Variants in PCDHGA6 observed in about 807,000 individuals in gnomAD.
The protein encoded by PCDHGA6 is protocadherin gamma subfamily A, 6.
In PCDHGA6, 41 loss-of-function variants were observed where a neutral mutation model predicts 60.6. That is an observed-to-expected ratio of 0.68 (90% CI 0.53 to 0.88). The LOEUF (loss-of-function observed/expected upper bound fraction) is 0.88. Ranked by LOEUF, PCDHGA6 falls within the 40% of genes least tolerant of loss-of-function variation. The probability of loss-of-function intolerance (pLI) is 0.00; values close to 1 mark genes in which losing one functional copy is unlikely to be tolerated. For missense variants in PCDHGA6, 1,312 were observed against 1,203.0 expected, an observed-to-expected ratio of 1.09 and a Z score of -1.34; for synonymous variants, 594 against 524.4, an observed-to-expected ratio of 1.13 and a Z score of -1.81.
At chr5:141,497,464 TGGA>T (rs769464389) in intron 2 of PCDHGA6, among the ~76,000 whole-genome samples, 3 of 151,764 alleles carry the variant, frequency 2.0e-5, no homozygotes, top group Non-Finnish European at 4.4e-5. Context: ...CTTGGAGATA[TGGA>T]GGAGAAGGTG....
At chr5:141,378,906 G>A (rs561615275) in intron 1 of PCDHGA6, 2 of 152,278 alleles carry the variant, frequency 1.3e-5, no homozygotes, top group African/African-American at 2.4e-5. Context: ...TTCTGTTATC[G>A]ACAGTCTTCA....
At chr5:141,452,954 T>A (rs1315313825) in intron 1 of PCDHGA6, among the ~76,000 whole-genome samples, 5 of 152,220 alleles carry the variant, frequency 3.3e-5, no homozygotes, top group Non-Finnish European at 1.5e-5. Context: ...ATTGGTTGTC[T>A]TTAAACTGAG....
At position 141,431,641 on chromosome 5, in the gene PCDHGA6, A is replaced by G. The variant is rs772686680; in HGVS notation, c.2424+55134A>G. ...ACAAGGCGGCCCAAGTTTTCAAACT[A>G]GATTGTAATTCAGGGACAATATCAA... is the stretch of plus-strand genomic sequence containing the variant. On this transcript the variant is annotated intron_variant, in intron 1 of 3. Coordinates refer to ENST00000517434, the MANE Select transcript of PCDHGA6 (RefSeq NM_018919.3). This position sits in a 1 kb window ranked among gnomAD's most constrained non-coding sequence, Gnocchi z 4.8. The G allele has an allele frequency of 6.2e-7, 1 of 1,614,270 alleles. No individual in the cohort carries two copies. Among genetic ancestry groups the G allele is most frequent in the South Asian group, 1.1e-5 (1 of 91,092 alleles).
At chr5:141,404,043 C>T (rs781644500) in intron 1 of PCDHGA6, 1 of 1,613,844 alleles carries the variant, frequency 6.2e-7, no homozygotes, top group East Asian at 2.2e-5. Context: ...CCTCAGGGAA[C>T]AGTAATTCTT....
chr5:141,398,040 C>T (rs569692941), intron 1 of PCDHGA6: 5 of 1,485,976 alleles, frequency 3.4e-6, no homozygotes, highest in East Asian at 4.8e-5. Context: ...AACTAAAGCC[C>T]GTTCGGAGAT....
At position 141,444,986 on chromosome 5, in the gene PCDHGA6, T is replaced by C. The variant is rs990862582; in HGVS notation, c.2425-49821T>C. On this transcript the variant is annotated intron_variant, in intron 1 of 3. Transcript: ENST00000517434. ...TGACACTTCAAATCCATGAACATGG[T>C]ATATATTTCCATTTAATTAGGTCTT... Among the ~76,000 whole-genome samples, 4 of 152,206 alleles carry C rather than the reference T, an allele frequency of 2.6e-5. No individual in the cohort carries two copies. The East Asian group carries it at 7.7e-4, about 29-fold the overall frequency.
rs2099883574 is a variant in PCDHGA6, at chr5:141,511,027, C to T, written c.2653C>T (p.Leu885=). The change falls in exon 4 of 4, where the codon CTG becomes TTG. Residue 885 remains leucine (L), a synonymous_variant. Transcript: ENST00000517434. ...CGCCCGCTACGGACCCCAGTTCACCCTGCAGCACGTGCCCGACTACCGCCA... is the reference window on the plus strand; with the variant it reads ...CGCCCGCTACGGACCCCAGTTCACCTTGCAGCACGTGCCCGACTACCGCCA... The part of the protein sequence containing the change: ...LSARYGPQFT[L]QHVPDYRQNV... 2 of 1,614,230 alleles carry T rather than the reference C, an allele frequency of 1.2e-6. No individual in the cohort carries two copies. The highest frequency in any genetic ancestry group is 1.7e-6 in the Non-Finnish European group (2 of 1,180,034).
At chr5:141,403,913 G>A (rs567115998) in intron 1 of PCDHGA6, 5 of 1,613,844 alleles carry the variant, frequency 3.1e-6, no homozygotes, top group Non-Finnish European at 8.5e-7. Context: ...GGAAATACAA[G>A]CTGAAGATGG....
chr5:141,393,874 G>C, intron 1 of PCDHGA6: 1 of 1,613,944 alleles, frequency 6.2e-7, no homozygotes. Context: ...TCTTTGTTTA[G>C]CCCAGTGTTA....
chr5:141,485,867 G>A lies in PCDHGA6; in HGVS notation c.2425-8940G>A. On this transcript the variant is annotated intron_variant, in intron 1 of 3. Coordinates refer to ENST00000517434, the MANE Select transcript of PCDHGA6 (RefSeq NM_018919.3). The surrounding 1 kb of genome is among the most constrained non-coding windows in gnomAD (Gnocchi z 5.7). ...TGGCACCGCAGAGCTCCGGGTATCC[G>A]TGCTGGACGTAAACGACAACGCCCC... The A allele has an allele frequency of 1.9e-6, 3 of 1,614,164 alleles. No homozygotes were observed. Among genetic ancestry groups the A allele is most frequent in the Non-Finnish European group, 8.5e-7 (1 of 1,180,040 alleles).
intron 1 of PCDHGA6, chr5:141,412,884 G>A: frequency 3.2e-6 from 1 of 311,540 alleles, no homozygotes. Flanking sequence ...TAATCCAACA[G>A]AATAGTTTAC....
intron 1 of PCDHGA6, chr5:141,428,734 A>G (rs922346225): frequency 1.9e-5 from 3 of 158,252 alleles, no homozygotes; most frequent in Non-Finnish European, 2.8e-5. Context: ...TAAACATATT[A>G]TATCTACTAT....
Position 141,384,414 on chromosome 5 carries a change from C to T in PCDHGA6, c.2424+7907C>T, listed in dbSNP as rs1159996307. 5 of 1,613,838 alleles carry T rather than the reference C, an allele frequency of 3.1e-6. No individual in the cohort carries two copies. In the East Asian group the frequency reaches 8.9e-5, roughly 29 times the overall value. ...AGGGGGCTCCAGTGTCCTCCTATGT[C>T]TCCATAAACTCTGACACTGGAGTCC... On this transcript the variant is annotated intron_variant, in intron 1 of 3. Coordinates refer to ENST00000517434, the MANE Select transcript of PCDHGA6 (RefSeq NM_018919.3).
intron 1 of PCDHGA6, chr5:141,388,088 C>T (rs774450859): frequency 8.8e-6 from 12 of 1,368,276 alleles, no homozygotes; most frequent in Admixed American, 2.0e-5. Flanking sequence ...AACTGCGCGT[C>T]AGTTCGGAGA....
rs772637812 is a variant in PCDHGA6 at position 141,408,685 on chromosome 5, TATAAAC to T, written c.2424+32185_2424+32190del. On this transcript the variant is annotated intron_variant, in intron 1 of 3. Transcript: ENST00000517434. ...CGCTTGACCCTGCCACGGATCCTGA[TATAAAC>T]ATAAACTCAATTAAAGATTATAAGA... 8 of 1,613,994 alleles carry T rather than the reference TATAAAC, an allele frequency of 5.0e-6. No individual in the cohort carries two copies. The Admixed American group carries it at 1.0e-4, about 20-fold the overall frequency.
intron 1 of PCDHGA6, among the ~76,000 whole-genome samples, chr5:141,466,637 A>G (rs944728391): frequency 1.1e-4 from 16 of 152,234 alleles, no homozygotes; most frequent in Admixed American, 8.5e-4. Flanking sequence ...CATTGTCTCC[A>G]TAAACTTTTC....
At chr5:141,401,721 C>T (rs2094186897) in intron 1 of PCDHGA6, among the ~76,000 whole-genome samples, 1 of 152,142 alleles carries the variant, frequency 6.6e-6, no homozygotes, top group Non-Finnish European at 1.5e-5. Flanking sequence ...AAGACAAAAA[C>T]TACTAGTCTT....
chr5:141,433,062 T>G (rs1371087184), intron 1 of PCDHGA6: 1 of 1,614,074 alleles, frequency 6.2e-7, no homozygotes, highest in Non-Finnish European at 8.5e-7. Context: ...AAGAGTCACC[T>G]GATCTTCCCC....
At chr5:141,393,524 C>T (rs1197723193) in intron 1 of PCDHGA6, 4 of 1,614,010 alleles carry the variant, frequency 2.5e-6, no homozygotes, top group South Asian at 2.2e-5. Context: ...ATACAAATGA[C>T]AATGCCCCGG....
Sources: gnomAD v4.1 joint callset for allele counts (sites outside exome capture counted in the v4.1 genomes callset) on GRCh38, gnomAD v4.1.1 for gene constraint, Gnocchi (gnomAD v3.1) non-coding constraint, MANE v1.5 for transcripts, NCBI Gene and HGNC (gene_info 2026-07-23, HGNC 2026-07-21) for gene names.